XKR4: variants seen among roughly 807,000 people sequenced by gnomAD.
XKR4 encodes XK-related protein 4.
A neutral mutation model predicts 53.9 loss-of-function variants in XKR4; 12 were observed. That is an observed-to-expected ratio of 0.22 (90% CI 0.14 to 0.36). The LOEUF (loss-of-function observed/expected upper bound fraction) is 0.36. Ranked by LOEUF, XKR4 falls within the 10% of genes least tolerant of loss-of-function variation. The pLI, the probability that XKR4 is intolerant of heterozygous loss-of-function variation, is 1.00. For synonymous variants in XKR4, 354 were observed against 362.4 expected, an observed-to-expected ratio of 0.98 and a Z score of 0.26; for missense variants, 799 against 859.5, an observed-to-expected ratio of 0.93 and a Z score of 0.88.
intron 1 of XKR4, among the ~76,000 whole-genome samples, chr8:55,216,894 CAAAT>C (rs200832915): frequency 0.022 from 3,330 of 150,980 alleles, 132 homozygotes; most frequent in African/African-American, 0.076. Context: ...ATTAGAATTG[CAAAT>C]AAATAAATAT....
intron 2 of XKR4, among the ~76,000 whole-genome samples, chr8:55,409,059 G>T (rs1056915970): frequency 5.9e-5 from 9 of 151,978 alleles, no homozygotes; most frequent in Non-Finnish European, 1.0e-4. Context: ...GTGGACAGGG[G>T]TCCAGGAGGC....
At chr8:55,396,418 T>G (rs1476898245) in intron 2 of XKR4, among the ~76,000 whole-genome samples, 14 of 133,154 alleles carry the variant, frequency 1.1e-4, no homozygotes, top group Non-Finnish European at 2.2e-4. Context: ...TTTTTTTTTT[T>G]GCAGAGGATG....
At chr8:55,473,257 T>A (rs1805917064) in intron 2 of XKR4, among the ~76,000 whole-genome samples, 2 of 152,114 alleles carry the variant, frequency 1.3e-5, no homozygotes, top group Admixed American at 1.3e-4. Context: ...CTCACACCCA[T>A]CCTGTGAAGG....
chr8:55,160,749 C>T (rs1053295362), intron 1 of XKR4, among the ~76,000 whole-genome samples: 1 of 152,156 alleles, frequency 6.6e-6, no homozygotes, highest in Non-Finnish European at 1.5e-5. Flanking sequence ...TCATGTGGCT[C>T]AACCTAATGT....
At chr8:55,226,168 T>C (rs1442447004) in intron 1 of XKR4, among the ~76,000 whole-genome samples, 5 of 152,226 alleles carry the variant, frequency 3.3e-5, no homozygotes, top group Non-Finnish European at 7.3e-5. Context: ...ATCATATCTT[T>C]AAATACAAAG....
At chr8:55,238,130 A>C (rs1219995573) in intron 1 of XKR4, among the ~76,000 whole-genome samples, 1 of 152,240 alleles carries the variant, frequency 6.6e-6, no homozygotes, top group African/African-American at 2.4e-5. Flanking sequence ...GTACAATAGC[A>C]TAAATAGACA....
At chr8:55,477,104 G>T (rs560089173) in intron 2 of XKR4, among the ~76,000 whole-genome samples, 75 of 63,758 alleles carry the variant, frequency 1.2e-3, no homozygotes, top group African/African-American at 7.8e-3. Context: ...CCTCAAGTGG[G>T]TCCCTGACCC....
intron 2 of XKR4, among the ~76,000 whole-genome samples, chr8:55,477,099 A>G (rs1345472381): frequency 1.3e-5 from 1 of 76,468 alleles, no homozygotes; most frequent in African/African-American, 7.8e-5. Context: ...TTCCTCCTCA[A>G]GTGGGTCCCT....
chr8:55,280,756 A>T (rs1019958023), intron 1 of XKR4, among the ~76,000 whole-genome samples: 3 of 152,212 alleles, frequency 2.0e-5, no homozygotes, highest in Admixed American at 2.0e-4. Flanking sequence ...CCATTTAATG[A>T]TAATATGAGG....
intron 1 of XKR4, among the ~76,000 whole-genome samples, chr8:55,120,810 T>C (rs145384774): frequency 2.9e-4 from 44 of 152,354 alleles, no homozygotes; most frequent in African/African-American, 9.1e-4. Context: ...GTATTTATCA[T>C]GACGTATCAT....
chr8:55,239,159 A>G (rs1168454541), intron 1 of XKR4, among the ~76,000 whole-genome samples: 1 of 152,204 alleles, frequency 6.6e-6, no homozygotes, highest in Non-Finnish European at 1.5e-5. Flanking sequence ...TGTTGCAGTG[A>G]TGTTTGAGAT....
At chr8:55,299,971 G>A (rs966841320) in intron 1 of XKR4, among the ~76,000 whole-genome samples, 1 of 152,146 alleles carries the variant, frequency 6.6e-6, no homozygotes, top group Non-Finnish European at 1.5e-5. Context: ...GAGCTCCCCA[G>A]GAGAGGGAGG....
At position 55,290,230 on chromosome 8, in the gene XKR4, A is replaced by G. The variant is rs181286338; in HGVS notation, c.807-67448A>G. ...CTGCAACCTCTGCTTCCCGGGTTCAATTGATTCTCTTGCCTCAGCCTCCGG... is the reference window on the plus strand; with the variant it reads ...CTGCAACCTCTGCTTCCCGGGTTCAGTTGATTCTCTTGCCTCAGCCTCCGG... On this transcript the variant is annotated intron_variant, in intron 1 of 2. Transcript: ENST00000327381. Among the ~76,000 whole-genome samples, 839 of 151,518 alleles carry G rather than the reference A, an allele frequency of 5.5e-3. 9 individuals carry two copies. The highest frequency in any genetic ancestry group is 9.8e-3 in the Non-Finnish European group (668 of 67,924).
At chr8:55,217,389 G>A (rs527489710) in intron 1 of XKR4, among the ~76,000 whole-genome samples, 2 of 152,228 alleles carry the variant, frequency 1.3e-5, no homozygotes, top group South Asian at 4.1e-4. Flanking sequence ...ATATCCTCCG[G>A]ATTGGCAAAA....
At chr8:55,331,889 T>C (rs974050545) in intron 1 of XKR4, among the ~76,000 whole-genome samples, 1 of 152,112 alleles carries the variant, frequency 6.6e-6, no homozygotes, top group Non-Finnish European at 1.5e-5. Flanking sequence ...TCTAAATCCA[T>C]TCTACTAATC....
chr8:55,464,360 A>G (rs960685819), intron 2 of XKR4, among the ~76,000 whole-genome samples: 2 of 152,176 alleles, frequency 1.3e-5, no homozygotes, highest in Non-Finnish European at 2.9e-5. Flanking sequence ...ATATAAACAG[A>G]ACCAAAGACA....
At chr8:55,263,096 A>G (rs895760261) in intron 1 of XKR4, among the ~76,000 whole-genome samples, 7 of 152,086 alleles carry the variant, frequency 4.6e-5, no homozygotes, top group Middle Eastern at 3.4e-3. Flanking sequence ...CCCTCTCTCC[A>G]CTGGGCTTCC....
At chr8:55,122,158 G>A (rs1284905853) in intron 1 of XKR4, among the ~76,000 whole-genome samples, 1 of 152,122 alleles carries the variant, frequency 6.6e-6, no homozygotes, top group Admixed American at 6.5e-5. Flanking sequence ...CAACAAATAA[G>A]ATGGCCATGT....
intron 1 of XKR4, chr8:55,142,508 T>C (rs935042618): frequency 6.1e-6 from 1 of 162,912 alleles, no homozygotes; most frequent in African/African-American, 2.4e-5. Flanking sequence ...GAGATTTCTA[T>C]ATTTTAAAAT....
Sources: allele counts gnomAD v4.1 joint callset (sites outside exome capture counted in the v4.1 genomes callset), GRCh38; gene constraint gnomAD v4.1.1; transcripts MANE v1.5; gene names NCBI Gene and HGNC (gene_info 2026-07-23, HGNC 2026-07-21).